ANKRD11: variants seen among roughly 807,000 people sequenced by gnomAD.
ANKRD11 encodes the protein ankyrin repeat domain-containing protein 11.
Under a neutral mutation model 195.7 loss-of-function variants are expected in ANKRD11, and 17 were observed. The ratio of observed to expected loss-of-function variants is 0.09; its 90% CI spans 0.06 to 0.13. The LOEUF is 0.13. ANKRD11 is among the 10% of genes least tolerant of loss of function. ANKRD11 has a pLI of 1.00. For missense variants in ANKRD11, 3,735 were observed against 3,566.1 expected, an observed-to-expected ratio of 1.05 and a Z score of -1.21; for synonymous variants, 1,953 against 1,528.1, an observed-to-expected ratio of 1.28 and a Z score of -6.49.
At chr16:89,427,269 A>AT (rs1168766917) in intron 1 of ANKRD11, among the ~76,000 whole-genome samples, 1 of 152,228 alleles carries the variant, frequency 6.6e-6, no homozygotes, top group African/African-American at 2.4e-5. Context: ...GAAGACCTAA[A>AT]TAAGTGGAGG....
intron 2 of ANKRD11, among the ~76,000 whole-genome samples, chr16:89,369,321 T>G (rs2040091066): frequency 6.6e-6 from 1 of 152,182 alleles, no homozygotes; most frequent in Non-Finnish European, 1.5e-5. Flanking sequence ...ACAGCAGCGC[T>G]GCAAAGGGCC....
intron 2 of ANKRD11, among the ~76,000 whole-genome samples, chr16:89,363,739 C>A (rs914328267): frequency 6.6e-6 from 1 of 152,172 alleles, no homozygotes; most frequent in African/African-American, 2.4e-5. Context: ...TGGAAGAACA[C>A]GGGCCTGCAG....
intron 11 of ANKRD11, chr16:89,271,274 G>GCGACAGCCAGC (rs2033129857): frequency 2.9e-6 from 1 of 342,766 alleles, no homozygotes; most frequent in Admixed American, 4.2e-5. Context: ...AGTTTCGCTT[G>GCGACAGCCAGC]TTGCCCAGGC....
At chr16:89,440,868 C>T (rs372024273) in intron 1 of ANKRD11, among the ~76,000 whole-genome samples, 7 of 152,300 alleles carry the variant, frequency 4.6e-5, no homozygotes, top group East Asian at 3.9e-4. Flanking sequence ...CGTGTGAGTG[C>T]GCATGAATCC....
At chr16:89,443,645 C>G (rs756827384) in intron 1 of ANKRD11, among the ~76,000 whole-genome samples, 1 of 152,212 alleles carries the variant, frequency 6.6e-6, no homozygotes, top group South Asian at 2.1e-4. Context: ...ACCCAGAAGG[C>G]TACCAGACCT....
At chr16:89,318,954 AC>A (rs1461763990) in intron 2 of ANKRD11, among the ~76,000 whole-genome samples, 1 of 152,144 alleles carries the variant, frequency 6.6e-6, no homozygotes, top group Admixed American at 6.5e-5. Flanking sequence ...ATTTTCCACC[AC>A]AAAACCGGAA....
chr16:89,406,321 C>T (rs1033090824), intron 2 of ANKRD11, among the ~76,000 whole-genome samples: 1 of 152,168 alleles, frequency 6.6e-6, no homozygotes, highest in African/African-American at 2.4e-5. Flanking sequence ...CAGACCCTCA[C>T]TGCCAGGTCA....
At chr16:89,466,370 C>T (rs1323469564) in intron 1 of ANKRD11, among the ~76,000 whole-genome samples, 1 of 152,136 alleles carries the variant, frequency 6.6e-6, no homozygotes, top group Non-Finnish European at 1.5e-5. Context: ...ACTGATGACA[C>T]AGGGGACCGC....
intron 2 of ANKRD11, among the ~76,000 whole-genome samples, chr16:89,389,853 C>T (rs1295706652): frequency 4.1e-5 from 5 of 121,590 alleles, no homozygotes; most frequent in African/African-American, 9.7e-5. Flanking sequence ...CGGGGAGCAC[C>T]GAGAGAAAGA....
chr16:89,397,121 G>C (rs1411211935), intron 2 of ANKRD11, among the ~76,000 whole-genome samples: 1 of 152,012 alleles, frequency 6.6e-6, no homozygotes, highest in African/African-American at 2.4e-5. Context: ...AATCCTTCAG[G>C]TTTCAACTGG....
chr16:89,353,891 C>T (rs2039337274), intron 2 of ANKRD11, among the ~76,000 whole-genome samples: 1 of 152,252 alleles, frequency 6.6e-6, no homozygotes, highest in South Asian at 2.1e-4. Flanking sequence ...CCTCTGCAGC[C>T]TCTCATGCAG....
At chr16:89,394,520 C>T (rs2041338883) in intron 2 of ANKRD11, among the ~76,000 whole-genome samples, 1 of 151,810 alleles carries the variant, frequency 6.6e-6, no homozygotes, top group African/African-American at 2.4e-5. Flanking sequence ...CCCAGCTACT[C>T]GGGAGGCTGA....
At chr16:89,323,269 G>A in intron 2 of ANKRD11, 1 of 1,284,050 alleles carries the variant, frequency 7.8e-7, no homozygotes, top group Non-Finnish European at 1.0e-6. Context: ...ATACCTGGCA[G>A]GCCTACTGTG....
rs1200825096 is a variant in ANKRD11, at chr16:89,341,528, G to A, written c.-59-24450C>T. Reference sequence around the variant, plus strand: ...TCTAAACATATGTGCAGTGACACCAGCTGATTTCTGAAAGCTGTAAATAGA... The same window carrying A: ...TCTAAACATATGTGCAGTGACACCAACTGATTTCTGAAAGCTGTAAATAGA... On this transcript the variant is annotated intron_variant, in intron 2 of 12. Transcript: ENST00000301030. Among the ~76,000 whole-genome samples the A allele has an allele frequency of 2.6e-5, 4 of 152,132 alleles. No individual in the cohort carries two copies. In the East Asian group the frequency reaches 5.8e-4, roughly 22 times the overall value.
intron 2 of ANKRD11, among the ~76,000 whole-genome samples, chr16:89,404,493 G>A (rs2041829211): frequency 1.3e-5 from 2 of 152,310 alleles, no homozygotes; most frequent in South Asian, 4.1e-4. Flanking sequence ...TTATTCTGGT[G>A]TCCTCCAGAA....
chr16:89,460,105 G>A (rs2056599546), intron 1 of ANKRD11, among the ~76,000 whole-genome samples: 1 of 151,600 alleles, frequency 6.6e-6, no homozygotes, highest in African/African-American at 2.4e-5. Context: ...GGGCGTGGTG[G>A]TGTGCGCCTG....
intron 4 of ANKRD11, among the ~76,000 whole-genome samples, chr16:89,303,983 AGAGCC>A (rs2036003782): frequency 6.6e-6 from 1 of 152,232 alleles, no homozygotes; most frequent in East Asian, 1.9e-4. Context: ...AGCCAGGGAC[AGAGCC>A]GAGGGCCTGA....
chr16:89,340,508 C>T (rs2038604978), intron 2 of ANKRD11, among the ~76,000 whole-genome samples: 1 of 152,222 alleles, frequency 6.6e-6, no homozygotes, highest in Admixed American at 6.5e-5. Flanking sequence ...CTCCTGACTT[C>T]AGGCGATCCA....
At position 89,285,704 on chromosome 16, in the gene ANKRD11, G is replaced by C; in HGVS notation, c.893-55C>G. 1.3e-6 allele frequency: 2 copies of C among 1,576,080 alleles called. No homozygotes were observed. Among genetic ancestry groups the C allele is most frequent in the South Asian group, 1.1e-5 (1 of 90,142 alleles). On this transcript the variant is annotated intron_variant, in intron 8 of 12. Coordinates refer to ENST00000301030, the MANE Select transcript of ANKRD11 (RefSeq NM_013275.6). This position sits in a 1 kb window ranked among gnomAD's most constrained non-coding sequence, Gnocchi z 5.6. ...GGCAGGCTCAAAACAGCTCTCCCCA[G>C]AATGGCAGAGGAGGGAGGCTCTGCA...
Sources: allele counts gnomAD v4.1 joint callset (sites outside exome capture counted in the v4.1 genomes callset), GRCh38; gene constraint gnomAD v4.1.1; non-coding constraint Gnocchi (gnomAD v3.1); transcripts MANE v1.5; gene names NCBI Gene and HGNC (gene_info 2026-07-23, HGNC 2026-07-21).